Variants in PTPRZ1 observed in about 807,000 individuals in gnomAD.
The protein encoded by PTPRZ1 is protein tyrosine phosphatase receptor type Z1.
In PTPRZ1, 82 loss-of-function variants were observed where a neutral mutation model predicts 214.1. The ratio of observed to expected loss-of-function variants is 0.38; its 90% CI spans 0.32 to 0.46. PTPRZ1 has a LOEUF of 0.46. PTPRZ1 is among the 20% of genes least tolerant of loss of function. The pLI is 1.00. For synonymous variants in PTPRZ1, 945 were observed against 987.9 expected (o/e 0.96, Z 0.81); for missense variants, 2,603 against 2,748.7 (o/e 0.95, Z 1.19).
chr7:121,924,119 A>G (rs1475887316), intron 1 of PTPRZ1, among the ~76,000 whole-genome samples: 2 of 152,120 alleles, frequency 1.3e-5, no homozygotes, highest in African/African-American at 4.8e-5. Context: ...ATCACTACAA[A>G]ATAGTCACAC....
At chr7:121,943,080 A>G (rs57642150) in intron 2 of PTPRZ1, among the ~76,000 whole-genome samples, 29,648 of 152,170 alleles carry the variant, frequency 0.19, 3,052 homozygotes, top group Admixed American at 0.24. Context: ...TATCATGGAT[A>G]GTTGTATACT....
Position 121,998,297 on chromosome 7 carries a change from T to C in PTPRZ1, c.1240+291T>C, listed in dbSNP as rs191991367. On this transcript the variant is annotated intron_variant, in intron 10 of 29. Coordinates refer to ENST00000393386, the MANE Select transcript of PTPRZ1 (RefSeq NM_002851.3). ...AATAATCATTAAATGAAAATTGCTA[T>C]GTAAATGTTGAGACTGTTATTTTGG... Among the ~76,000 whole-genome samples, 57 of 152,314 alleles carry C rather than the reference T, an allele frequency of 3.7e-4. 1 individual carries two copies. Among genetic ancestry groups the C allele is most frequent in the African/African-American group, 1.3e-3 (55 of 41,578 alleles).
chr7:121,966,734 A>G (rs962068132), intron 2 of PTPRZ1, among the ~76,000 whole-genome samples: 33 of 152,282 alleles, frequency 2.2e-4, no homozygotes, highest in African/African-American at 7.7e-4. Context: ...AAATTATGCA[A>G]TGTTATTTTC....
chr7:121,979,168 C>T (rs889226974), intron 6 of PTPRZ1, among the ~76,000 whole-genome samples: 2 of 152,106 alleles, frequency 1.3e-5, no homozygotes, highest in Non-Finnish European at 2.9e-5. Flanking sequence ...CTCTAAAGGA[C>T]AAAGCCCATT....
At chr7:121,920,273 A>G (rs550471647) in intron 1 of PTPRZ1, among the ~76,000 whole-genome samples, 6 of 152,202 alleles carry the variant, frequency 3.9e-5, no homozygotes, top group Non-Finnish European at 7.3e-5. Context: ...TGGGCATAAG[A>G]TTTCAAAACA....
At chr7:122,044,395 T>C (rs1799818796) in intron 22 of PTPRZ1, 27 bp from the exon 23 acceptor site, 1 of 1,612,722 alleles carries the variant, frequency 6.2e-7, no homozygotes, top group Non-Finnish European at 8.5e-7. Context: ...CTTGAACTAA[T>C]GTTGCTTATT....
chr7:121,990,336 C>T (rs887341366), intron 8 of PTPRZ1, among the ~76,000 whole-genome samples: 1 of 151,880 alleles, frequency 6.6e-6, no homozygotes, highest in Non-Finnish European at 1.5e-5. Flanking sequence ...TCACAGCAGG[C>T]GCTCAATAGA....
intron 23 of PTPRZ1, 67 bp downstream of exon 23, chr7:122,044,635 A>T (rs893361701): frequency 6.5e-7 from 1 of 1,530,410 alleles, no homozygotes; most frequent in African/African-American, 1.4e-5. Flanking sequence ...TTCTCATTTG[A>T]GTTGACAGGG....
chr7:121,896,629 C>T (rs578063268), intron 1 of PTPRZ1, among the ~76,000 whole-genome samples: 2 of 151,986 alleles, frequency 1.3e-5, no homozygotes, highest in South Asian at 4.2e-4. Flanking sequence ...AAAAATTAGC[C>T]GGGTGTGGTG....
chr7:121,936,098 G>A (rs1398420559), intron 2 of PTPRZ1, among the ~76,000 whole-genome samples: 2 of 152,140 alleles, frequency 1.3e-5, no homozygotes, highest in East Asian at 1.9e-4. Flanking sequence ...ATCAGTAAGG[G>A]CCTAGTGGAA....
chr7:122,051,197 T>C (rs1361601184), intron 23 of PTPRZ1, among the ~76,000 whole-genome samples: 3 of 152,186 alleles, frequency 2.0e-5, no homozygotes, highest in African/African-American at 7.2e-5. Flanking sequence ...AAAGAATTAC[T>C]AGAGATTTCT....
intron 12 of PTPRZ1, among the ~76,000 whole-genome samples, chr7:122,014,833 T>G (rs1047532911): frequency 6.6e-6 from 1 of 152,234 alleles, no homozygotes; most frequent in Non-Finnish European, 1.5e-5. Flanking sequence ...TTTTTTGTCT[T>G]TCTTTATCTT....
intron 23 of PTPRZ1, among the ~76,000 whole-genome samples, chr7:122,046,725 C>G (rs1791996801): frequency 6.6e-6 from 1 of 151,976 alleles, no homozygotes; most frequent in Admixed American, 6.5e-5. Flanking sequence ...AGGGAGAAGA[C>G]GTGAGATATT....
intron 27 of PTPRZ1, among the ~76,000 whole-genome samples, chr7:122,057,022 A>G (rs1259813457): frequency 1.3e-5 from 2 of 151,882 alleles, no homozygotes; most frequent in Admixed American, 6.6e-5. Flanking sequence ...TCTATTTTAC[A>G]TGCAAATTAT....
chr7:121,957,754 G>T (rs1007875931), intron 2 of PTPRZ1, among the ~76,000 whole-genome samples: 2 of 152,196 alleles, frequency 1.3e-5, no homozygotes, highest in Admixed American at 6.5e-5. Context: ...TGCTGAGACT[G>T]AGCTCATGTT....
chr7:121,944,280 G>T (rs1287210198), intron 2 of PTPRZ1, among the ~76,000 whole-genome samples: 2 of 151,860 alleles, frequency 1.3e-5, no homozygotes, highest in Non-Finnish European at 2.9e-5. Flanking sequence ...TATAATCTTT[G>T]TATTTACCTG....
At chr7:121,935,025 A>T (rs1584656391) in intron 2 of PTPRZ1, among the ~76,000 whole-genome samples, 1 of 152,318 alleles carries the variant, frequency 6.6e-6, no homozygotes, top group Non-Finnish European at 1.5e-5. Context: ...AATTAGCTCA[A>T]TTTAGTCATT....
At position 122,044,445 on chromosome 7, in the gene PTPRZ1, T is replaced by C; in HGVS notation, c.5961T>C (p.Asp1987=). 6.2e-7 allele frequency: 1 copy of C among 1,613,918 alleles called. No individual in the cohort carries two copies. The highest frequency in any genetic ancestry group is 1.1e-5 in the South Asian group (1 of 91,084). ...AGGAGCAATATGTCTTCATTCATGATACACTGGTTGAGGCCATACTTAGTA... is the reference window on the plus strand; with the variant it reads ...AGGAGCAATATGTCTTCATTCATGACACACTGGTTGAGGCCATACTTAGTA... The part of the protein sequence containing the change: ...QTEEQYVFIH[D]TLVEAILSKE... The change falls in exon 23 of 30, where the codon GAT becomes GAC. Residue 1987 remains aspartate (D), a synonymous_variant. Coordinates refer to ENST00000393386, the MANE Select transcript of PTPRZ1 (RefSeq NM_002851.3).
At chr7:122,057,943 A>G (rs1366838962) in intron 27 of PTPRZ1, among the ~76,000 whole-genome samples, 10 of 130,240 alleles carry the variant, frequency 7.7e-5, no homozygotes, top group African/African-American at 3.0e-4. Context: ...TCAGTCATTC[A>G]TATAGTGTGT....
Sources: allele counts gnomAD v4.1 joint callset (sites outside exome capture counted in the v4.1 genomes callset), GRCh38; gene constraint gnomAD v4.1.1; transcripts MANE v1.5; gene names NCBI Gene and HGNC (gene_info 2026-07-23, HGNC 2026-07-21).